Variants in GPATCH8 observed in about 807,000 individuals in gnomAD.
GPATCH8 encodes G-patch domain containing 8, also known as G patch domain-containing protein 8.
A neutral mutation model predicts 118.3 loss-of-function variants in GPATCH8; 18 were observed. The ratio of observed to expected loss-of-function variants is 0.15; its 90% CI spans 0.11 to 0.23. The LOEUF is 0.23. GPATCH8 is among the 10% of genes least tolerant of loss of function. The probability of loss-of-function intolerance (pLI) is 1.00; values close to 1 mark genes in which losing one functional copy is unlikely to be tolerated. For synonymous variants in GPATCH8, 659 were observed against 684.7 expected (o/e 0.96, Z 0.59); for missense variants, 1,631 against 1,873.8 (o/e 0.87, Z 2.39).
intron 3 of GPATCH8, among the ~76,000 whole-genome samples, chr17:44,457,679 A>G (rs1170236319): frequency 1.3e-5 from 2 of 152,160 alleles, no homozygotes; most frequent in African/African-American, 4.8e-5. Context: ...CACACCTATA[A>G]TCCCAGCACT....
At chr17:44,437,324 A>C (rs1402326438) in intron 3 of GPATCH8, among the ~76,000 whole-genome samples, 1 of 152,164 alleles carries the variant, frequency 6.6e-6, no homozygotes, top group African/African-American at 2.4e-5. Flanking sequence ...TTTAATAAAT[A>C]TATATTTAAT....
chr17:44,396,115 T>C lies in GPATCH8; in HGVS notation c.*1453A>G. 1 of 454,550 alleles carries C rather than the reference T, an allele frequency of 2.2e-6. No homozygotes were observed. The highest frequency in any genetic ancestry group is 4.4e-6 in the Non-Finnish European group (1 of 226,786). The allele number at this position is 454,550 out of a possible 1,614,324, so 28.2% of individuals were successfully genotyped here. A position where few individuals can be genotyped will look rare whatever the true frequency, so the allele number is the denominator to read the frequency against. On this transcript the variant is annotated 3_prime_UTR_variant, in exon 8 of 8. Coordinates refer to ENST00000591680, the MANE Select transcript of GPATCH8 (RefSeq NM_001002909.4). ...CCCAACTCATCCTCCAGCCTACTTC[T>C]ACTTCCGTTTCTACCAACCCAAAAG...
chr17:44,484,153 A>AT (rs1221955452), intron 1 of GPATCH8, among the ~76,000 whole-genome samples: 6 of 149,460 alleles, frequency 4.0e-5, no homozygotes, highest in African/African-American at 1.5e-4. Context: ...TTATTTATTT[A>AT]TTTATTTTTT....
intron 1 of GPATCH8, among the ~76,000 whole-genome samples, chr17:44,483,408 A>G (rs962038850): frequency 2.6e-4 from 38 of 145,256 alleles, no homozygotes; most frequent in Non-Finnish European, 3.8e-4. Context: ...CCACCACCAC[A>G]CCTGGCTAAT....
Position 44,397,015 on chromosome 17 carries a change from C to G in GPATCH8, c.*553G>C. The G allele has an allele frequency of 2.2e-6, 1 of 453,980 alleles. No individual in the cohort carries two copies. Among genetic ancestry groups the G allele is most frequent in the South Asian group, 1.6e-5 (1 of 64,468 alleles). The allele number at this position is 453,980 out of a possible 1,614,324, so 28.1% of individuals were successfully genotyped here. On this transcript the variant is annotated 3_prime_UTR_variant, in exon 8 of 8. Transcript: ENST00000591680. ...TTGCAGCCTGAGTTATATCAGGTTC[C>G]AGGTGAGACGCTTTCCACCTCACCT...
At chr17:44,443,407 T>C (rs1047419072) in intron 3 of GPATCH8, among the ~76,000 whole-genome samples, 1 of 152,192 alleles carries the variant, frequency 6.6e-6, no homozygotes, top group Non-Finnish European at 1.5e-5. Flanking sequence ...TTAGGTGGCA[T>C]AGAAACAATT....
Position 44,395,694 on chromosome 17 carries a change from T to G in GPATCH8, c.*1874A>C, listed in dbSNP as rs1485552487. On this transcript the variant is annotated 3_prime_UTR_variant, in exon 8 of 8. Coordinates refer to ENST00000591680, the MANE Select transcript of GPATCH8 (RefSeq NM_001002909.4). ...TCAAGAGTTGTGTTTGCCTGCCACT[T>G]TCTTTTCATAAACTTTACTCTTTTG... 4.4e-6 allele frequency: 2 copies of G among 454,156 alleles called. No individual in the cohort carries two copies. Among genetic ancestry groups the G allele is most frequent in the South Asian group, 1.6e-5 (1 of 64,476 alleles). The allele number at this position is 454,156 out of a possible 1,614,324, so 28.1% of individuals were successfully genotyped here.
rs76344736 is a variant in GPATCH8 at position 44,404,932 on chromosome 17, G to A, written c.623+989C>T. Among the ~76,000 whole-genome samples, 639 of 152,180 alleles carry A rather than the reference G, an allele frequency of 4.2e-3. 9 individuals carry two copies. Among genetic ancestry groups the A allele is most frequent in the African/African-American group, 0.014 (587 of 41,536 alleles). On this transcript the variant is annotated intron_variant, in intron 7 of 7. Transcript: ENST00000591680. The stretch of plus-strand genomic sequence containing the variant: ...AGAAGCTGGGAAGGGCGGAAGGAGA[G>A]ATTTGTTACAAAATTACAGCTAACT...
chr17:44,476,175 C>T (rs1389037621), intron 1 of GPATCH8, among the ~76,000 whole-genome samples: 1 of 151,920 alleles, frequency 6.6e-6, no homozygotes, highest in African/African-American at 2.4e-5. Context: ...AGGAAGACTA[C>T]AGAGTCTTAC....
intron 3 of GPATCH8, among the ~76,000 whole-genome samples, chr17:44,448,458 C>G (rs1245006207): frequency 1.7e-5 from 2 of 119,008 alleles, no homozygotes; most frequent in African/African-American, 3.4e-5. Context: ...TACAGCTACA[C>G]AGGATGCTGA....
chr17:44,437,945 G>GAAAAA (rs752307910), intron 3 of GPATCH8, among the ~76,000 whole-genome samples: 3 of 63,666 alleles, frequency 4.7e-5, no homozygotes, highest in African/African-American at 1.4e-4. Context: ...TCTCATGTCA[G>GAAAAA]AAAAAAAAAA....
chr17:44,406,112 A>C, intron 6 of GPATCH8, 61 bp from the exon 7 acceptor site: 1 of 1,256,102 alleles, frequency 8.0e-7, no homozygotes, highest in South Asian at 1.2e-5. Flanking sequence ...GGGAATCAGA[A>C]AGCAAAGCCT....
At chr17:44,455,544 A>T (rs751717304) in intron 3 of GPATCH8, among the ~76,000 whole-genome samples, 1 of 152,046 alleles carries the variant, frequency 6.6e-6, no homozygotes, top group Non-Finnish European at 1.5e-5. Context: ...GAGCATATTA[A>T]TATCTATTTC....
rs763836264 is a variant in GPATCH8, at chr17:44,399,811, G to A, written c.2266C>T (p.Arg756Trp). Residue 756 changes from arginine (R) to tryptophan (W), a missense_variant, in exon 8 of 8, where the codon CGG becomes TGG. Physicochemically the swap from Arg to Trp is moderately radical, Grantham distance 101 (BLOSUM62 -3). Coordinates refer to ENST00000591680, the MANE Select transcript of GPATCH8 (RefSeq NM_001002909.4). ...RRRRAQDDSQ[R>W]RSLPAEEGSS... is the part of the protein sequence containing the mutation. ...CCCTCTTCAGCTGGGAGGGATCTCC[G>A]CTGGGAGTCATCTTGAGCTCTCCGC... is the stretch of plus-strand genomic sequence containing the variant. The A allele has an allele frequency of 1.4e-5, 23 of 1,613,300 alleles. No homozygotes were observed. Among genetic ancestry groups the A allele is most frequent in the African/African-American group, 8.0e-5 (6 of 74,738 alleles).
chr17:44,496,315 G>C (rs924793361), intron 1 of GPATCH8, among the ~76,000 whole-genome samples: 1 of 152,120 alleles, frequency 6.6e-6, no homozygotes, highest in Non-Finnish European at 1.5e-5. Context: ...CTATAAGACA[G>C]GTACTGACTT....
intron 2 of GPATCH8, among the ~76,000 whole-genome samples, chr17:44,472,753 T>C (rs559626131): frequency 7.9e-5 from 12 of 152,000 alleles, no homozygotes; most frequent in African/African-American, 2.9e-4. Context: ...TAGAGTGCAG[T>C]GGCACAATCT....
intron 1 of GPATCH8, among the ~76,000 whole-genome samples, chr17:44,477,769 G>T (rs1275130481): frequency 2.6e-5 from 4 of 151,352 alleles, no homozygotes; most frequent in Non-Finnish European, 4.4e-5. Context: ...ATGAACAAAT[G>T]ATTTTAAAAA....
chr17:44,467,129 G>C, intron 2 of GPATCH8: 3 of 1,229,478 alleles, frequency 2.4e-6, no homozygotes, highest in Non-Finnish European at 3.2e-6. Context: ...CAAAAGAACA[G>C]TTAAATGTAA....
At chr17:44,483,154 C>CAAAAA (rs1178488342) in intron 1 of GPATCH8, among the ~76,000 whole-genome samples, 1 of 846 alleles carries the variant, frequency 1.2e-3, no homozygotes, top group East Asian at 0.25. Flanking sequence ...GACTCCGTCT[C>CAAAAA]AAAAAAAAAA....
Sources: gnomAD v4.1 joint callset for allele counts (sites outside exome capture counted in the v4.1 genomes callset) on GRCh38, gnomAD v4.1.1 for gene constraint, MANE v1.5 for transcripts, NCBI Gene and HGNC (gene_info 2026-07-23, HGNC 2026-07-21) for gene names.